The following CEP85L variants were observed in gnomAD, a reference collection of about 807,000 sequenced individuals.
CEP85L encodes centrosomal protein of 85 kDa-like.
A neutral mutation model predicts 100.3 loss-of-function variants in CEP85L; 60 were observed. The observed-to-expected ratio is 0.60, with a 90% CI of 0.49 to 0.74. The LOEUF (loss-of-function observed/expected upper bound fraction) is 0.74. CEP85L is among the 30% of genes least tolerant of loss of function. The pLI, the probability that CEP85L is intolerant of heterozygous loss-of-function variation, is 0.00. For synonymous variants in CEP85L, 319 were observed against 322.7 expected (o/e 0.99, Z 0.12); for missense variants, 973 against 936.2 (o/e 1.04, Z -0.51).
At chr6:118,542,449 T>TA (rs749563790) in intron 3 of CEP85L, among the ~76,000 whole-genome samples, 1 of 152,176 alleles carries the variant, frequency 6.6e-6, no homozygotes, top group Non-Finnish European at 1.5e-5. Context: ...CAAAATTAGC[T>TA]AAAATTAATA....
At chr6:118,696,268 A>AAAAAAAG (rs1777207635) in intron 1 of CEP85L, among the ~76,000 whole-genome samples, 1 of 151,838 alleles carries the variant, frequency 6.6e-6, no homozygotes, top group Non-Finnish European at 1.5e-5. Context: ...CTGTCTCAAA[A>AAAAAAAG]AAAAAGAAAA....
chr6:118,655,150 A>T (rs1037413161), upstream of CEP85L, among the ~76,000 whole-genome samples: 2 of 152,322 alleles, frequency 1.3e-5, no homozygotes, highest in Middle Eastern at 6.8e-3. Flanking sequence ...AAGGAAGGAA[A>T]ATTAGGGAGA....
chr6:118,587,795 C>T (rs1237603648), intron 2 of CEP85L, among the ~76,000 whole-genome samples: 1 of 152,186 alleles, frequency 6.6e-6, no homozygotes, highest in Non-Finnish European at 1.5e-5. Context: ...ACCCTTTTCA[C>T]TTGGCATGTC....
At chr6:118,690,715 A>G (rs1378670159) in intron 1 of CEP85L, among the ~76,000 whole-genome samples, 1 of 152,266 alleles carries the variant, frequency 6.6e-6, no homozygotes, top group Non-Finnish European at 1.5e-5. Flanking sequence ...AAGAAAAGAA[A>G]GGGCTTGGCA....
chr6:118,662,122 T>C (rs1775992571), intron 1 of CEP85L, among the ~76,000 whole-genome samples: 1 of 152,188 alleles, frequency 6.6e-6, no homozygotes, highest in African/African-American at 2.4e-5. Flanking sequence ...GGGCGAATAA[T>C]TCACAAGAAA....
intron 5 of CEP85L, among the ~76,000 whole-genome samples, 169 bp downstream of exon 5, chr6:118,511,129 G>T (rs1223268184): frequency 6.6e-6 from 1 of 152,046 alleles, no homozygotes; most frequent in Non-Finnish European, 1.5e-5. Flanking sequence ...TGTGCAATCT[G>T]GACAGATGGA....
chr6:118,564,539 T>C (rs2114992035), intron 3 of CEP85L, among the ~76,000 whole-genome samples: 1 of 152,334 alleles, frequency 6.6e-6, no homozygotes, highest in East Asian at 1.9e-4. Flanking sequence ...TAAAGGTACA[T>C]GCGACATGTT....
At position 118,501,630 on chromosome 6, in the gene CEP85L, C is replaced by T. The variant is rs1270586499; in HGVS notation, c.1257+9668G>A. The T allele has an allele frequency of 2.2e-5, 14 of 624,020 alleles. No homozygotes were observed. The Admixed American group carries it at 2.3e-4, about 10-fold the overall frequency. The allele number at this position is 624,020 out of a possible 1,614,324, so 38.7% of individuals were successfully genotyped here. On this transcript the variant is annotated intron_variant, in intron 5 of 12. Coordinates refer to ENST00000368491, the MANE Select transcript of CEP85L (RefSeq NM_001042475.3). ...ACTAATGCCATGATTTACAACAAAC[C>T]AGAGACCACTTATTATAAAGCTGCA...
chr6:118,599,247 G>C (rs1481239123), intron 2 of CEP85L, among the ~76,000 whole-genome samples: 1 of 152,124 alleles, frequency 6.6e-6, no homozygotes, highest in Non-Finnish European at 1.5e-5. Flanking sequence ...GATGAACATG[G>C]AGCATTTTGT....
intron 2 of CEP85L, among the ~76,000 whole-genome samples, chr6:118,584,926 G>A (rs72954873): frequency 0.023 from 3,535 of 152,238 alleles, 60 homozygotes; most frequent in Middle Eastern, 0.058. Flanking sequence ...AAATCCAGCC[G>A]CCTTCCACCA....
intron 1 of CEP85L, among the ~76,000 whole-genome samples, chr6:118,703,399 A>G (rs1777490677): frequency 6.6e-6 from 1 of 152,166 alleles, no homozygotes; most frequent in Admixed American, 6.5e-5. Flanking sequence ...TTAATTAGAA[A>G]TCAAACATTA....
At chr6:118,612,470 T>C (rs1473071332) in intron 2 of CEP85L, among the ~76,000 whole-genome samples, 3 of 147,846 alleles carry the variant, frequency 2.0e-5, no homozygotes, top group Non-Finnish European at 4.5e-5. Context: ...CTGGCTAACA[T>C]AGTGAAACCC....
intron 2 of CEP85L, among the ~76,000 whole-genome samples, chr6:118,582,081 C>T (rs1192987875): frequency 6.6e-6 from 1 of 152,134 alleles, no homozygotes; most frequent in Admixed American, 6.6e-5. Flanking sequence ...AAGCAGGTTC[C>T]AGAGGAGCAA....
chr6:118,483,304 A>G (rs543925145), intron 7 of CEP85L, among the ~76,000 whole-genome samples: 2 of 151,886 alleles, frequency 1.3e-5, no homozygotes, highest in African/African-American at 4.8e-5. Context: ...TAAGAAAAAT[A>G]TATATATATA....
chr6:118,471,558 A>C (rs1772956119), intron 10 of CEP85L, among the ~76,000 whole-genome samples: 1 of 152,028 alleles, frequency 6.6e-6, no homozygotes, highest in African/African-American at 2.4e-5. Flanking sequence ...AAAGATAGCT[A>C]TCACCATGGG....
intron 2 of CEP85L, among the ~76,000 whole-genome samples, chr6:118,628,328 C>T (rs572846164): frequency 2.8e-4 from 42 of 152,072 alleles, no homozygotes; most frequent in African/African-American, 8.2e-4. Flanking sequence ...CAAGAACAGA[C>T]GGATAATGTA....
chr6:118,656,132 G>C (rs1775780149), upstream of CEP85L, among the ~76,000 whole-genome samples: 1 of 152,174 alleles, frequency 6.6e-6, no homozygotes, highest in African/African-American at 2.4e-5. Context: ...GGTGGTATAT[G>C]GTTTTCTTTA....
At chr6:118,666,752 T>A (rs1195209496) in intron 1 of CEP85L, among the ~76,000 whole-genome samples, 1 of 150,140 alleles carries the variant, frequency 6.7e-6, no homozygotes, top group Non-Finnish European at 1.5e-5. Context: ...ATTATCACAT[T>A]TGGGATTAAG....
chr6:118,592,396 A>T (rs1052285560), intron 2 of CEP85L, among the ~76,000 whole-genome samples: 14 of 150,888 alleles, frequency 9.3e-5, no homozygotes, highest in African/African-American at 2.9e-4. Flanking sequence ...AGGACTCCAT[A>T]ATAAAAGAAT....
Sources: allele counts gnomAD v4.1 joint callset (sites outside exome capture counted in the v4.1 genomes callset), GRCh38; gene constraint gnomAD v4.1.1; transcripts MANE v1.5; gene names NCBI Gene and HGNC (gene_info 2026-07-23, HGNC 2026-07-21).